The following RAB38 variants were observed in gnomAD, a reference collection of about 807,000 sequenced individuals.
RAB38 encodes RAB38, member RAS oncogene family.
Under a neutral mutation model 18.4 loss-of-function variants are expected in RAB38, and 15 were observed. That is an observed-to-expected ratio of 0.82 (90% confidence interval 0.55 to 1.26). The LOEUF is 1.26. RAB38 is among the 50% of genes most tolerant of loss of function. RAB38 has a pLI of 0.00. For synonymous variants in RAB38, 101 were observed against 104.4 expected, an observed-to-expected ratio of 0.97 and a Z score of 0.20; for missense variants, 294 against 267.4, an observed-to-expected ratio of 1.10 and a Z score of -0.69.
At chr11:88,010,896 C>T in the RAB38 span, among the ~76,000 whole-genome samples, 2 of 152,166 alleles carry the variant, frequency 1.3e-5, no homozygotes, top group African/African-American at 4.8e-5. Context: ...CCCACCTACC[C>T]ACCTAGCATT....
At chr11:87,918,875 T>A in the RAB38 span, among the ~76,000 whole-genome samples, 1 of 151,998 alleles carries the variant, frequency 6.6e-6, no homozygotes, top group African/African-American at 2.4e-5. Flanking sequence ...TTGAGTTTGG[T>A]GTGATCCCAT....
chr11:88,022,611 C>CCAAAAAAAAAA, the RAB38 span, among the ~76,000 whole-genome samples: 2 of 52,092 alleles, frequency 3.8e-5, no homozygotes, highest in African/African-American at 1.5e-4. Flanking sequence ...AAAGACCCCA[C>CCAAAAAAAAAA]AAAAAAAAAA....
intron 1 of RAB38, among the ~76,000 whole-genome samples, chr11:88,170,826 T>G (rs1943303223): frequency 6.6e-6 from 1 of 152,084 alleles, no homozygotes; most frequent in Non-Finnish European, 1.5e-5. Context: ...CTCTAAATTG[T>G]CTGCCAACTT....
the RAB38 span, among the ~76,000 whole-genome samples, chr11:87,977,343 T>TA: frequency 1.8e-3 from 197 of 112,532 alleles, no homozygotes; most frequent in East Asian, 5.2e-3. Context: ...TATTATAAAA[T>TA]TATATATTAT....
the RAB38 span, among the ~76,000 whole-genome samples, chr11:87,945,955 T>G: frequency 6.6e-6 from 1 of 152,144 alleles, no homozygotes; most frequent in African/African-American, 2.4e-5. Flanking sequence ...TTACCCTTCA[T>G]TGTAAGTGAG....
chr11:88,075,638 T>C, the RAB38 span, among the ~76,000 whole-genome samples: 2 of 152,098 alleles, frequency 1.3e-5, no homozygotes, highest in South Asian at 4.1e-4. Context: ...CATAACACTT[T>C]GGAAAGTCAA....
the RAB38 span, among the ~76,000 whole-genome samples, chr11:87,871,104 G>A: frequency 2.6e-5 from 4 of 151,552 alleles, no homozygotes; most frequent in Admixed American, 2.6e-4. Context: ...AAACAAATTT[G>A]AGAAAATTAT....
chr11:87,970,614 A>G, the RAB38 span, among the ~76,000 whole-genome samples: 3 of 152,050 alleles, frequency 2.0e-5, no homozygotes, highest in Non-Finnish European at 4.4e-5. Flanking sequence ...GTTTTCTCTA[A>G]TTCTTTAAAA....
the RAB38 span, among the ~76,000 whole-genome samples, chr11:87,933,282 C>T: frequency 7.2e-5 from 11 of 152,178 alleles, no homozygotes; most frequent in African/African-American, 2.4e-4. Context: ...TTCCCCAGAT[C>T]CATTCCTTTT....
chr11:88,158,140 T>C (rs748727705), intron 1 of RAB38, among the ~76,000 whole-genome samples: 4 of 152,114 alleles, frequency 2.6e-5, no homozygotes, highest in Non-Finnish European at 5.9e-5. Context: ...TATCAGAGAC[T>C]GTTATTAACA....
At chr11:88,127,941 T>A (rs1942720591) in intron 2 of RAB38, among the ~76,000 whole-genome samples, 1 of 152,248 alleles carries the variant, frequency 6.6e-6, no homozygotes, top group Non-Finnish European at 1.5e-5. Flanking sequence ...GGAGTGTCTA[T>A]CTTGACAGCA....
the RAB38 span, among the ~76,000 whole-genome samples, chr11:88,092,297 G>GA: frequency 0.14 from 5,093 of 35,582 alleles, 1,982 homozygotes; most frequent in Admixed American, 0.31. Context: ...TGAAGGAGAC[G>GA]GCCGGTGTAT....
chr11:88,118,856 G>A (rs1032690273), intron 2 of RAB38, among the ~76,000 whole-genome samples: 80 of 152,152 alleles, frequency 5.3e-4, no homozygotes, highest in African/African-American at 1.7e-3. Flanking sequence ...TTAAGCAGGT[G>A]CTTTGTTTAT....
the RAB38 span, among the ~76,000 whole-genome samples, chr11:87,822,974 A>G: frequency 6.6e-6 from 1 of 152,232 alleles, no homozygotes; most frequent in Admixed American, 6.5e-5. Context: ...ATAATGATAA[A>G]AAGTTAATTA....
At chr11:88,055,410 T>C in the RAB38 span, among the ~76,000 whole-genome samples, 4 of 152,172 alleles carry the variant, frequency 2.6e-5, no homozygotes, top group Admixed American at 2.6e-4. Flanking sequence ...GTAACATGAA[T>C]AATATGAGTA....
chr11:87,875,996 G>A, the RAB38 span, among the ~76,000 whole-genome samples: 1 of 151,472 alleles, frequency 6.6e-6, no homozygotes, highest in Admixed American at 6.6e-5. Context: ...ATACACTGTT[G>A]AATAGTGATA....
the RAB38 span, among the ~76,000 whole-genome samples, chr11:87,907,516 T>C: frequency 6.6e-6 from 1 of 151,788 alleles, no homozygotes; most frequent in African/African-American, 2.4e-5. Context: ...TTGTTGTTTT[T>C]AGTTTTAAAA....
the RAB38 span, among the ~76,000 whole-genome samples, chr11:87,897,498 G>A: frequency 6.6e-6 from 1 of 151,528 alleles, no homozygotes; most frequent in Admixed American, 6.6e-5. Flanking sequence ...AGTGTTAAGA[G>A]GGGTATTTTT....
the RAB38 span, among the ~76,000 whole-genome samples, chr11:87,895,313 C>G: frequency 6.6e-6 from 1 of 151,512 alleles, no homozygotes; most frequent in Non-Finnish European, 1.5e-5. Flanking sequence ...GTGTCAAATA[C>G]AGTACATAAA....
Sources: allele counts gnomAD v4.1 joint callset (sites outside exome capture counted in the v4.1 genomes callset), GRCh38; gene constraint gnomAD v4.1.1; transcripts MANE v1.5; gene names NCBI Gene and HGNC (gene_info 2026-07-23, HGNC 2026-07-21).